The following PLPPR1 variants were observed in gnomAD, a reference collection of about 807,000 sequenced individuals.
PLPPR1 encodes the protein phospholipid phosphatase-related protein type 1.
A neutral mutation model predicts 33.1 loss-of-function variants in PLPPR1; 10 were observed. That is an observed-to-expected ratio of 0.30 (90% CI 0.19 to 0.51). PLPPR1 has a LOEUF of 0.51. Among genes scored for constraint, PLPPR1 ranks in the 20% least tolerant of loss-of-function variants. The pLI, the probability that PLPPR1 is intolerant of heterozygous loss-of-function variation, is 0.97. For synonymous variants in PLPPR1, 151 were observed against 151.0 expected (o/e 1.00, Z 0.00); for missense variants, 304 against 408.1 (o/e 0.74, Z 2.20).
At chr9:101,178,762 C>T (rs1376596744) in intron 1 of PLPPR1, among the ~76,000 whole-genome samples, 1 of 152,138 alleles carries the variant, frequency 6.6e-6, no homozygotes, top group Non-Finnish European at 1.5e-5. Flanking sequence ...TGCTCCGAAT[C>T]AGTGTCCAAT....
At chr9:101,136,369 T>C (rs921404058) in intron 1 of PLPPR1, among the ~76,000 whole-genome samples, 13 of 152,190 alleles carry the variant, frequency 8.5e-5, no homozygotes, top group African/African-American at 3.1e-4. Flanking sequence ...AAATCGGAGA[T>C]CTCTTTCACT....
chr9:101,153,320 A>G (rs75226300), intron 1 of PLPPR1, among the ~76,000 whole-genome samples: 334 of 152,328 alleles, frequency 2.2e-3, no homozygotes, highest in African/African-American at 7.6e-3. Flanking sequence ...TTCTAAATAT[A>G]TAATCATGTC....
chr9:101,151,650 T>C (rs1159088712), intron 1 of PLPPR1, among the ~76,000 whole-genome samples: 1 of 152,140 alleles, frequency 6.6e-6, no homozygotes. Flanking sequence ...TCCCCTACCA[T>C]TGGTTTACAA....
chr9:101,258,807 C>T (rs998854825), intron 2 of PLPPR1, among the ~76,000 whole-genome samples: 2 of 152,128 alleles, frequency 1.3e-5, no homozygotes, highest in African/African-American at 4.8e-5. Flanking sequence ...CTGATCCTTG[C>T]AATTATTGAC....
intron 1 of PLPPR1, among the ~76,000 whole-genome samples, chr9:101,181,737 GTA>G (rs1311353036): frequency 0.012 from 7 of 568 alleles, no homozygotes; most frequent in Admixed American, 0.029. Flanking sequence ...GTGTGTGTGT[GTA>G]TATATACACA....
At chr9:101,031,497 A>G (rs1338766232) in intron 1 of PLPPR1, among the ~76,000 whole-genome samples, 1 of 152,226 alleles carries the variant, frequency 6.6e-6, no homozygotes, top group Non-Finnish European at 1.5e-5. Context: ...TATGCTGTAC[A>G]CTTCATCCCC....
At chr9:101,185,426 C>T in intron 1 of PLPPR1, 24 bp from the exon 2 acceptor site, 1 of 916,286 alleles carries the variant, frequency 1.1e-6, no homozygotes. Flanking sequence ...GGTTCTTATA[C>T]TATGCAACCT....
chr9:101,093,573 A>G (rs908517365), intron 1 of PLPPR1, among the ~76,000 whole-genome samples: 8 of 152,214 alleles, frequency 5.3e-5, no homozygotes, highest in Admixed American at 1.3e-4. Flanking sequence ...TCTAGCAAAC[A>G]TGCCACAACC....
intron 1 of PLPPR1, among the ~76,000 whole-genome samples, chr9:101,130,365 T>C (rs1831299984): frequency 6.6e-6 from 1 of 152,156 alleles, no homozygotes; most frequent in African/African-American, 2.4e-5. Context: ...TCTGCCACTT[T>C]ATCAGCTGCA....
At chr9:101,266,239 C>A (rs549848623) in intron 2 of PLPPR1, among the ~76,000 whole-genome samples, 6 of 151,676 alleles carry the variant, frequency 4.0e-5, no homozygotes, top group Admixed American at 3.3e-4. Flanking sequence ...CCAGCCTGGT[C>A]AACATGATGA....
At chr9:101,066,920 C>T (rs988691633) in intron 1 of PLPPR1, among the ~76,000 whole-genome samples, 6 of 152,154 alleles carry the variant, frequency 3.9e-5, no homozygotes, top group Admixed American at 2.0e-4. Context: ...TAAACACTTA[C>T]CTACCATTTA....
At chr9:101,170,932 C>G (rs1430081482) in intron 1 of PLPPR1, among the ~76,000 whole-genome samples, 4 of 151,934 alleles carry the variant, frequency 2.6e-5, no homozygotes, top group Non-Finnish European at 5.9e-5. Flanking sequence ...AGAACAAGAT[C>G]CTGTCTCTTA....
chr9:101,295,118 T>A (rs910200596), intron 4 of PLPPR1, among the ~76,000 whole-genome samples: 7 of 151,924 alleles, frequency 4.6e-5, no homozygotes, highest in African/African-American at 1.5e-4. Flanking sequence ...GGATACAAAA[T>A]CAATGTACAA....
chr9:101,316,177 C>T (rs564633736), intron 6 of PLPPR1, among the ~76,000 whole-genome samples: 2 of 152,092 alleles, frequency 1.3e-5, no homozygotes, highest in South Asian at 4.2e-4. Flanking sequence ...TGGCTCACGC[C>T]TGTAATTCCA....
At chr9:101,310,160 AT>A (rs1006962122) in intron 5 of PLPPR1, among the ~76,000 whole-genome samples, 18 of 152,214 alleles carry the variant, frequency 1.2e-4, no homozygotes, top group African/African-American at 4.3e-4. Flanking sequence ...TGTCTCTCTT[AT>A]TTTCCAACTT....
In PLPPR1 at chr9:101,243,633, A is replaced by C. The variant is rs139683243; in HGVS notation, c.64-26247A>C. Among the ~76,000 whole-genome samples the C allele has an allele frequency of 5.0e-3, 755 of 152,052 alleles. 6 individuals are homozygous for C. Among genetic ancestry groups the C allele is most frequent in the African/African-American group, 0.017 (698 of 41,540 alleles). ...GTGGAGGGAGGGAACATTATGGTTC[A>C]GATTGGAAAATCTTGACTATAAGGT... On this transcript the variant is annotated intron_variant, in intron 2 of 7. Transcript: ENST00000374874.
chr9:101,076,330 T>C (rs1830536340), intron 1 of PLPPR1, among the ~76,000 whole-genome samples: 1 of 152,146 alleles, frequency 6.6e-6, no homozygotes, highest in Admixed American at 6.6e-5. Context: ...TGAAATAATG[T>C]GACTCTGCCT....
chr9:101,183,593 C>T (rs550870851), intron 1 of PLPPR1, among the ~76,000 whole-genome samples: 84 of 151,432 alleles, frequency 5.5e-4, no homozygotes, highest in Non-Finnish European at 9.6e-4. Context: ...GGGAAAGTTG[C>T]ACAATTTGGT....
intron 1 of PLPPR1, among the ~76,000 whole-genome samples, chr9:101,180,304 A>G (rs544956536): frequency 2.6e-5 from 4 of 151,178 alleles, no homozygotes. Flanking sequence ...ATTAAAAGAA[A>G]TGTCCATACT....
Sources: gnomAD v4.1 joint callset for allele counts (sites outside exome capture counted in the v4.1 genomes callset) on GRCh38, gnomAD v4.1.1 for gene constraint, MANE v1.5 for transcripts, NCBI Gene and HGNC (gene_info 2026-07-23, HGNC 2026-07-21) for gene names.